RBMS3: variants seen among roughly 807,000 people sequenced by gnomAD.
The protein encoded by RBMS3 is RNA binding motif single stranded interacting protein 3.
Under a neutral mutation model 66.8 loss-of-function variants are expected in RBMS3, and 27 were observed. The ratio of observed to expected loss-of-function variants is 0.40; its 90% CI spans 0.30 to 0.56. The LOEUF (loss-of-function observed/expected upper bound fraction) is 0.56, where lower values mean the gene tolerates loss of function less well. Among genes scored for constraint, RBMS3 ranks in the 20% least tolerant of loss-of-function variants. The pLI is 0.40. For missense variants in RBMS3, 513 were observed against 549.5 expected, an observed-to-expected ratio of 0.93 and a Z score of 0.66; for synonymous variants, 188 against 183.0, an observed-to-expected ratio of 1.03 and a Z score of -0.22.
intron 3 of RBMS3, among the ~76,000 whole-genome samples, chr3:29,545,410 G>A (rs1192899384): frequency 5.3e-5 from 8 of 152,070 alleles, no homozygotes; most frequent in African/African-American, 1.9e-4. Flanking sequence ...GGGAAAAAAT[G>A]TGTAACAGTA....
At chr3:29,636,061 T>C (rs929993337) in intron 4 of RBMS3, among the ~76,000 whole-genome samples, 1 of 151,786 alleles carries the variant, frequency 6.6e-6, no homozygotes, top group East Asian at 1.9e-4. Context: ...TGTGTGTGTG[T>C]GTGTGTGTGT....
At chr3:29,613,423 G>A (rs892163600) in intron 4 of RBMS3, among the ~76,000 whole-genome samples, 32 of 152,018 alleles carry the variant, frequency 2.1e-4, no homozygotes, top group African/African-American at 7.5e-4. Flanking sequence ...ATTTTGCAAT[G>A]GGTCACACAA....
chr3:29,882,998 T>G lies in RBMS3; in HGVS notation c.745-1164T>G, dbSNP rs185973937. 3.9e-5 allele frequency among the ~76,000 whole-genome samples: 6 copies of G among 152,188 alleles called. No individual in the cohort carries two copies. The East Asian group carries it at 1.2e-3, about 30-fold the overall frequency. On this transcript the variant is annotated intron_variant, in intron 7 of 14. Coordinates refer to ENST00000383767, the MANE Select transcript of RBMS3 (RefSeq NM_001003793.3). The stretch of plus-strand genomic sequence containing the variant: ...CCAATTGTTATATTTTAAGTAATTA[T>G]AGTACACTATCAAAGCCAGGACATT...
At chr3:29,292,062 A>G (rs995541685) in intron 1 of RBMS3, among the ~76,000 whole-genome samples, 1 of 151,696 alleles carries the variant, frequency 6.6e-6, no homozygotes, top group African/African-American at 2.4e-5. Flanking sequence ...CCAATGCTGG[A>G]GGGCGAATTC....
At chr3:29,685,139 A>G (rs2051665839) in intron 4 of RBMS3, among the ~76,000 whole-genome samples, 1 of 152,058 alleles carries the variant, frequency 6.6e-6, no homozygotes, top group Non-Finnish European at 1.5e-5. Flanking sequence ...GCTCACTGCA[A>G]GCTCCGCCTC....
At chr3:29,514,087 C>T (rs997956076) in intron 3 of RBMS3, among the ~76,000 whole-genome samples, 28 of 152,158 alleles carry the variant, frequency 1.8e-4, no homozygotes, top group African/African-American at 4.1e-4. Context: ...TATATTTAAA[C>T]GTGAAGTAGC....
intron 1 of RBMS3, among the ~76,000 whole-genome samples, chr3:29,339,459 C>T (rs1375192566): frequency 1.3e-5 from 2 of 151,998 alleles, no homozygotes; most frequent in African/African-American, 4.8e-5. Context: ...CAAAAATAGT[C>T]GGACAGTACT....
At chr3:29,324,420 C>T (rs1235731478) in intron 1 of RBMS3, among the ~76,000 whole-genome samples, 3 of 152,132 alleles carry the variant, frequency 2.0e-5, no homozygotes, top group African/African-American at 7.2e-5. Flanking sequence ...CCTCAAGAGC[C>T]AGGTCTTCTC....
chr3:29,710,988 A>G (rs1326027816), intron 4 of RBMS3, among the ~76,000 whole-genome samples: 1 of 152,038 alleles, frequency 6.6e-6, no homozygotes, highest in African/African-American at 2.4e-5. Flanking sequence ...CATTAAATAT[A>G]CAATACAGTA....
In RBMS3 at chr3:29,471,979, G is replaced by T. The variant is rs1028031641; in HGVS notation, c.249-16462G>T. On this transcript the variant is annotated intron_variant, in intron 2 of 14. Transcript: ENST00000383767. ...GCATTTCATACTTCTCCATGTCTAT[G>T]TATCTCATCCTCACTAGAAAACATT... Among the ~76,000 whole-genome samples, 3 of 151,930 alleles carry T rather than the reference G, an allele frequency of 2.0e-5. No homozygotes were observed. The East Asian group carries it at 5.8e-4, about 29-fold the overall frequency.
intron 6 of RBMS3, among the ~76,000 whole-genome samples, chr3:29,847,768 G>T (rs983098044): frequency 6.6e-6 from 1 of 151,982 alleles, no homozygotes; most frequent in Non-Finnish European, 1.5e-5. Flanking sequence ...CCATTCTCCT[G>T]CCTCAGCCTC....
chr3:29,994,345 G>T (rs1243718348), intron 14 of RBMS3, among the ~76,000 whole-genome samples: 1 of 152,354 alleles, frequency 6.6e-6, no homozygotes, highest in East Asian at 1.9e-4. Flanking sequence ...CGGCAGTGAG[G>T]CTGGGGGAGG....
rs200974805 is a variant in RBMS3, at chr3:29,884,421, G to GTT, written c.791+214_791+215dup. Among the ~76,000 whole-genome samples the GTT allele has an allele frequency of 1.0e-3, 56 of 56,256 alleles. 2 individuals are homozygous for GTT. The highest frequency in any genetic ancestry group is 4.5e-3 in the African/African-American group (53 of 11,794). The allele number at this position is 56,256 out of a possible 152,430, so 36.9% of individuals were successfully genotyped here. A position where few individuals can be genotyped will look rare whatever the true frequency, so the allele number is the denominator to read the frequency against. On this transcript the variant is annotated intron_variant, in intron 8 of 14. Transcript: ENST00000383767. ...AATGCCTCTGCCCACATTAAACCCT[G>GTT]TTCTCTCTCTCTCTCTCTCTCTCTC...
intron 4 of RBMS3, among the ~76,000 whole-genome samples, chr3:29,693,794 T>G (rs146977097): frequency 6.6e-6 from 1 of 152,234 alleles, no homozygotes; most frequent in Non-Finnish European, 1.5e-5. Flanking sequence ...TTCAGATTGA[T>G]TTTTGTTCAT....
At chr3:29,833,587 A>G (rs750024129) in intron 6 of RBMS3, among the ~76,000 whole-genome samples, 12 of 152,192 alleles carry the variant, frequency 7.9e-5, no homozygotes, top group Non-Finnish European at 1.5e-4. Context: ...TCAAACAGAA[A>G]TGATCTGTGA....
chr3:29,799,406 A>G (rs1006095566), intron 6 of RBMS3, among the ~76,000 whole-genome samples: 4 of 152,140 alleles, frequency 2.6e-5, no homozygotes, highest in Non-Finnish European at 5.9e-5. Flanking sequence ...CCTAATAAAC[A>G]TTCCCTACAA....
chr3:29,669,592 A>G (rs375483725), intron 4 of RBMS3, among the ~76,000 whole-genome samples: 27 of 152,332 alleles, frequency 1.8e-4, no homozygotes, highest in African/African-American at 6.3e-4. Context: ...ACTGGTAGAT[A>G]AAAATTATTG....
At chr3:29,994,080 C>A (rs557014094) in intron 14 of RBMS3, among the ~76,000 whole-genome samples, 4 of 152,096 alleles carry the variant, frequency 2.6e-5, no homozygotes, top group Admixed American at 2.0e-4. Flanking sequence ...ATGCACCGTG[C>A]GCAAGCCGAA....
intron 4 of RBMS3, among the ~76,000 whole-genome samples, chr3:29,640,281 CACA>C (rs1559529559): frequency 2.9e-5 from 4 of 139,248 alleles, no homozygotes; most frequent in African/African-American, 7.9e-5. Context: ...CACACACACA[CACA>C]CCCACACACA....
Sources: gnomAD v4.1 joint callset for allele counts (sites outside exome capture counted in the v4.1 genomes callset) on GRCh38, gnomAD v4.1.1 for gene constraint, MANE v1.5 for transcripts, NCBI Gene and HGNC (gene_info 2026-07-23, HGNC 2026-07-21) for gene names.